TPO: variants seen among roughly 807,000 people sequenced by gnomAD.
TPO encodes the protein thyroid peroxidase, also known as thyroid microsomal antigen.
In TPO, 78 loss-of-function variants were observed where a neutral mutation model predicts 96.9. The ratio of observed to expected loss-of-function variants is 0.81; its 90% CI spans 0.67 to 0.97. The LOEUF is 0.97. Ranked by LOEUF, TPO falls within the 50% of genes least tolerant of loss-of-function variation. The pLI is 0.00. For missense variants in TPO, 1,252 were observed against 1,274.8 expected (o/e 0.98, Z 0.27); for synonymous variants, 547 against 538.0 (o/e 1.02, Z -0.23).
At position 1,524,905 on chromosome 2, in the gene TPO, C is replaced by A. The variant is rs1290345707; in HGVS notation, c.2618+7923C>A. 2.2e-5 allele frequency among the ~76,000 whole-genome samples: 3 copies of A among 133,830 alleles called. 1 individual carries two copies. The highest frequency in any genetic ancestry group is 8.4e-5 in the African/African-American group (3 of 35,678). 87.8% of individuals were successfully genotyped at this position (133,830 alleles called of 152,430 possible). ...TCAAATTGCCCGCACTGTACAACCT[C>A]CTCAAATCTCCCCCGCTGTGTGCAA... On this transcript the variant is annotated intron_variant, in intron 15 of 16. Coordinates refer to ENST00000329066, the MANE Select transcript of TPO (RefSeq NM_001206744.2).
intron 13 of TPO, among the ~76,000 whole-genome samples, chr2:1,499,464 C>T (rs900959567): frequency 6.6e-6 from 1 of 152,152 alleles, no homozygotes; most frequent in Non-Finnish European, 1.5e-5. Flanking sequence ...TCTGGGTGCT[C>T]CCCAGGGTGC....
At chr2:1,526,068 C>T (rs550286212) in intron 15 of TPO, among the ~76,000 whole-genome samples, 1 of 113,444 alleles carries the variant, frequency 8.8e-6, no homozygotes, top group Admixed American at 9.1e-5. Context: ...CCACTGTGCG[C>T]AACCTCCCCA....
At chr2:1,382,049 T>A (rs907608431) in intron 1 of TPO, among the ~76,000 whole-genome samples, 2 of 152,020 alleles carry the variant, frequency 1.3e-5, no homozygotes, top group African/African-American at 4.8e-5. Flanking sequence ...AGAGAAGAGA[T>A]CACCTGCAGT....
At chr2:1,380,927 G>C (rs1045644532) in intron 1 of TPO, among the ~76,000 whole-genome samples, 4 of 152,174 alleles carry the variant, frequency 2.6e-5, no homozygotes, top group Non-Finnish European at 5.9e-5. Flanking sequence ...GTCTCACATG[G>C]TGGGGGCAGG....
rs529243130 is a variant in TPO at position 1,535,668 on chromosome 2, A to G, written c.2619-4926A>G. Among the ~76,000 whole-genome samples the G allele has an allele frequency of 8.8e-3, 365 of 41,348 alleles. 52 individuals are homozygous for G. Among genetic ancestry groups the G allele is most frequent in the African/African-American group, 0.031 (337 of 10,758 alleles). 27.1% of individuals were successfully genotyped at this position (41,348 alleles called of 152,430 possible). A position where few individuals can be genotyped will look rare whatever the true frequency, so the allele number is the denominator to read the frequency against. On this transcript the variant is annotated intron_variant, in intron 15 of 16. Transcript: ENST00000329066. ...GTGTGCAACCTCCTCAAATCCCCCC[A>G]CTCTGTGCAACCTCCCCACATGCCC...
chr2:1,475,141 T>G (rs189531354), intron 7 of TPO, among the ~76,000 whole-genome samples: 10 of 152,360 alleles, frequency 6.6e-5, no homozygotes, highest in Admixed American at 6.5e-4. Flanking sequence ...TTTGAATCAG[T>G]GAGTAGGAGA....
In TPO at chr2:1,534,020, C is replaced by A. The variant is rs1323368924; in HGVS notation, c.2619-6574C>A. On this transcript the variant is annotated intron_variant, in intron 15 of 16. Transcript: ENST00000329066. ...CTCTGTGTAATCTCCCCAAATCCCC[C>A]CCAATCTGTGCAACCTCCCCAAATC... 1.5e-4 allele frequency among the ~76,000 whole-genome samples: 15 copies of A among 102,442 alleles called. 2 individuals are homozygous for A. Among genetic ancestry groups the A allele is most frequent in the Admixed American group, 4.5e-4 (4 of 8,822 alleles). The allele number at this position is 102,442 out of a possible 152,430, so 67.2% of individuals were successfully genotyped here.
At chr2:1,540,282 G>C (rs886734968) in intron 15 of TPO, among the ~76,000 whole-genome samples, 1 of 152,164 alleles carries the variant, frequency 6.6e-6, no homozygotes, top group Non-Finnish European at 1.5e-5. Flanking sequence ...GCAGTGACTG[G>C]GGGGAAATCC....
chr2:1,540,969 C>T, intron 16 of TPO: 5 of 1,478,376 alleles, frequency 3.4e-6, no homozygotes, highest in Non-Finnish European at 4.5e-6. Flanking sequence ...AAACTAAGGG[C>T]TCACTTTCAG....
chr2:1,527,421 T>A (rs2125171869), intron 15 of TPO, among the ~76,000 whole-genome samples: 1 of 94,832 alleles, frequency 1.1e-5, no homozygotes, highest in East Asian at 3.9e-4. Flanking sequence ...CCTCCTCAAA[T>A]CCTCCGCCAC....
At chr2:1,456,714 T>C (rs1667834674) in intron 7 of TPO, among the ~76,000 whole-genome samples, 1 of 32,862 alleles carries the variant, frequency 3.0e-5, no homozygotes, top group Admixed American at 3.5e-4. Context: ...ATACTCTGGG[T>C]ACACATATAT....
intron 16 of TPO, chr2:1,541,019 CAGGAGAGGA>C: frequency 1.5e-6 from 2 of 1,366,518 alleles, no homozygotes; most frequent in Non-Finnish European, 1.9e-6. Flanking sequence ...GCTGGAAGCA[CAGGAGAGGA>C]AGGAGAAGCT....
rs1375517519 is a variant in TPO, at chr2:1,433,313, A to G, written c.180-125A>G. On this transcript the variant is annotated intron_variant, in intron 3 of 16. Transcript: ENST00000329066. ...CATGTTTTACCTGTGCACACCCCGC[A>G]GTGCCTGTCACATTGTCTGGGACAC... The G allele has an allele frequency of 3.2e-6, 4 of 1,233,970 alleles. No individual in the cohort carries two copies. The East Asian group carries it at 1.0e-4, about 31-fold the overall frequency. 76.4% of individuals were successfully genotyped at this position (1,233,970 alleles called of 1,614,324 possible). A position where few individuals can be genotyped will look rare whatever the true frequency, so the allele number is the denominator to read the frequency against.
intron 15 of TPO, among the ~76,000 whole-genome samples, chr2:1,521,922 C>A (rs1450464571): frequency 6.6e-6 from 1 of 152,060 alleles, no homozygotes; most frequent in Non-Finnish European, 1.5e-5. Context: ...TGTCCAGTTT[C>A]CAGCCCAGAA....
In TPO at chr2:1,488,000, G is replaced by C; in HGVS notation, c.1768+9G>C. 4 of 1,612,538 alleles carry C rather than the reference G, an allele frequency of 2.5e-6. No homozygotes were observed. Among genetic ancestry groups the C allele is most frequent in the Non-Finnish European group, 3.4e-6 (4 of 1,180,022 alleles). Reference sequence around the variant, plus strand: ...GGACCACGGGCTGCCAGGTCTGCCAGTTCCTTCCCTTGCACACCTCATGCA... The same window carrying C: ...GGACCACGGGCTGCCAGGTCTGCCACTTCCTTCCCTTGCACACCTCATGCA... On this transcript the variant is annotated intron_variant, in intron 10 of 16. Transcript: ENST00000329066.
chr2:1,480,285 T>G (rs1443916872), intron 8 of TPO, among the ~76,000 whole-genome samples: 3 of 152,136 alleles, frequency 2.0e-5, no homozygotes, highest in Non-Finnish European at 4.4e-5. Context: ...TCTTTGGTGC[T>G]TTTTGCAAAA....
chr2:1,538,742 C>T (rs1680370491), intron 15 of TPO, among the ~76,000 whole-genome samples: 1 of 152,148 alleles, frequency 6.6e-6, no homozygotes. Context: ...GCTGCCATAA[C>T]AAAGAACCAC....
At chr2:1,377,744 T>A in intron 1 of TPO, among the ~76,000 whole-genome samples, 1 of 151,958 alleles carries the variant, frequency 6.6e-6, no homozygotes, top group Middle Eastern at 3.4e-3. Flanking sequence ...GCTGGCAGGG[T>A]GAGCTGCAGC....
chr2:1,422,296 CGCAGGCGCCTCTCCTGGACAGACCTCGT>C (rs1343678726), intron 2 of TPO, among the ~76,000 whole-genome samples: 1,870 of 59,772 alleles, frequency 0.031, 34 homozygotes, highest in East Asian at 0.058. Flanking sequence ...TTGAAGACCC[CGCAGGCGCCTCTCCTGGACAGACCTCGT>C]GCAGGCGCCT....
Sources: allele counts gnomAD v4.1 joint callset (sites outside exome capture counted in the v4.1 genomes callset), GRCh38; gene constraint gnomAD v4.1.1; transcripts MANE v1.5; gene names NCBI Gene and HGNC (gene_info 2026-07-23, HGNC 2026-07-21).